Variants in ICA1L observed in about 807,000 individuals in gnomAD.
ICA1L encodes islet cell autoantigen 1 like, also known as islet cell autoantigen 1-like protein.
Under a neutral mutation model 61.3 loss-of-function variants are expected in ICA1L, and 50 were observed. The ratio of observed to expected loss-of-function variants is 0.82; its 90% CI spans 0.65 to 1.03. ICA1L has a LOEUF of 1.03. Among genes scored for constraint, ICA1L ranks in the 50% least tolerant of loss-of-function variants. The probability of loss-of-function intolerance (pLI) is 0.00; values close to 1 mark genes in which losing one functional copy is unlikely to be tolerated. For synonymous variants in ICA1L, 161 were observed against 191.3 expected (o/e 0.84, Z 1.31); for missense variants, 508 against 556.7 (o/e 0.91, Z 0.88).
intron 1 of ICA1L, among the ~76,000 whole-genome samples, chr2:202,848,652 A>G (rs776642744): frequency 1.3e-5 from 2 of 152,256 alleles, no homozygotes; most frequent in Non-Finnish European, 2.9e-5. Flanking sequence ...GTTCTAAAAT[A>G]TAGTCTGAAA....
intron 6 of ICA1L, 27 bp downstream of exon 6, chr2:202,817,391 G>A: frequency 6.5e-7 from 1 of 1,530,302 alleles, no homozygotes; most frequent in Non-Finnish European, 8.8e-7. Flanking sequence ...TTTACTGCAA[G>A]GATATGCTGA....
At chr2:202,818,701 C>T (rs1448676652) in intron 5 of ICA1L, among the ~76,000 whole-genome samples, 2 of 152,066 alleles carry the variant, frequency 1.3e-5, no homozygotes, top group Non-Finnish European at 1.5e-5. Context: ...GCTCTTTTTG[C>T]CTGCCACCAT....
At chr2:202,784,211 G>T (rs1029350411) in intron 12 of ICA1L, among the ~76,000 whole-genome samples, 1 of 152,132 alleles carries the variant, frequency 6.6e-6, no homozygotes, top group Non-Finnish European at 1.5e-5. Context: ...CAGCACTTTG[G>T]GAGGCCGAGG....
At chr2:202,781,904 TC>T (rs1391794022) in intron 12 of ICA1L, among the ~76,000 whole-genome samples, 2 of 152,208 alleles carry the variant, frequency 1.3e-5, no homozygotes, top group Non-Finnish European at 2.9e-5. Flanking sequence ...TTATTTAACA[TC>T]CTTGTCACAA....
intron 1 of ICA1L, among the ~76,000 whole-genome samples, chr2:202,829,504 G>A (rs1693953936): frequency 6.6e-6 from 1 of 152,138 alleles, no homozygotes; most frequent in South Asian, 2.1e-4. Flanking sequence ...ATGCTGGAGT[G>A]TAGTGGTGCA....
intron 1 of ICA1L, chr2:202,841,520 A>G: frequency 2.7e-6 from 2 of 732,068 alleles, no homozygotes; most frequent in Admixed American, 1.7e-5. Context: ...CACGGCCTGG[A>G]TGTTGGGTTC....
chr2:202,841,667 G>A (rs1694334903), intron 1 of ICA1L: 3 of 571,148 alleles, frequency 5.3e-6, no homozygotes, highest in Non-Finnish European at 1.0e-5. Flanking sequence ...GAAGCTCAAG[G>A]AGCTGATGCA....
At chr2:202,860,711 C>A (rs1440256002) in intron 1 of ICA1L, among the ~76,000 whole-genome samples, 2 of 151,476 alleles carry the variant, frequency 1.3e-5, no homozygotes, top group Admixed American at 1.3e-4. Context: ...AAGATCACGC[C>A]ATTGCACTGT....
At chr2:202,813,506 A>G (rs1314713676) in intron 8 of ICA1L, among the ~76,000 whole-genome samples, 1 of 152,184 alleles carries the variant, frequency 6.6e-6, no homozygotes, top group Non-Finnish European at 1.5e-5. Context: ...CAGGTTGGGA[A>G]GTTCAAGATC....
intron 1 of ICA1L, among the ~76,000 whole-genome samples, chr2:202,842,146 C>T (rs773975399): frequency 4.6e-5 from 7 of 152,170 alleles, no homozygotes; most frequent in African/African-American, 7.2e-5. Context: ...TGGGCCACCG[C>T]ACCAGGCCTA....
intron 1 of ICA1L, among the ~76,000 whole-genome samples, chr2:202,833,417 C>CA (rs1002171261): frequency 1.3e-5 from 2 of 151,886 alleles, no homozygotes; most frequent in African/African-American, 2.4e-5. Context: ...TCCATATCTA[C>CA]AAAAAAATAA....
intron 1 of ICA1L, chr2:202,840,777 C>T (rs564882184): frequency 9.6e-5 from 57 of 594,484 alleles, no homozygotes; most frequent in Middle Eastern, 8.7e-4. Flanking sequence ...TAGGCATCTG[C>T]GATGGCAGCC....
At chr2:202,856,684 T>A (rs1276788111) in intron 1 of ICA1L, among the ~76,000 whole-genome samples, 1 of 152,134 alleles carries the variant, frequency 6.6e-6, no homozygotes, top group Non-Finnish European at 1.5e-5. Flanking sequence ...AGAGAGGAAG[T>A]CAACTTATCT....
chr2:202,811,798 A>G lies in ICA1L; in HGVS notation c.867-9T>C, dbSNP rs371832097. 1.9e-6 allele frequency: 3 copies of G among 1,594,000 alleles called. No homozygotes were observed. The African/African-American group carries it at 4.0e-5, about 21-fold the overall frequency. The stretch of plus-strand genomic sequence containing the variant: ...CATCAGACAAAACTAGCCTGAAGTA[A>G]AAACAAAAAAAAATGTAGATTTTTT... On this transcript the variant is annotated splice_polypyrimidine_tract_variant and intron_variant, in intron 8 of 12. Coordinates refer to ENST00000358299, the MANE Select transcript of ICA1L (RefSeq NM_001288622.3).
intron 1 of ICA1L, chr2:202,841,100 C>G: frequency 1.6e-6 from 1 of 636,846 alleles, no homozygotes; most frequent in South Asian, 1.5e-5. Flanking sequence ...CCTCTTCATA[C>G]AGCTGCCCGA....
chr2:202,815,308 A>G (rs1693502193), intron 7 of ICA1L, among the ~76,000 whole-genome samples: 1 of 152,230 alleles, frequency 6.6e-6, no homozygotes, highest in Non-Finnish European at 1.5e-5. Flanking sequence ...TATGCAAGAT[A>G]TGAGCCTATC....
chr2:202,820,006 A>G (rs1311663412), intron 4 of ICA1L, 107 bp from the exon 5 acceptor site: 3 of 821,444 alleles, frequency 3.7e-6, no homozygotes, highest in African/African-American at 1.7e-5. Flanking sequence ...TGAATCTACA[A>G]GTAAAAAATT....
At chr2:202,797,096 T>A (rs1204007357) in intron 9 of ICA1L, 132 bp from the exon 10 acceptor site, 1 of 547,566 alleles carries the variant, frequency 1.8e-6, no homozygotes, top group Non-Finnish European at 3.2e-6. Context: ...AAGGGAAACA[T>A]AAAAATTTAA....
At chr2:202,795,819 G>A (rs1336993181) in intron 10 of ICA1L, among the ~76,000 whole-genome samples, 1 of 152,036 alleles carries the variant, frequency 6.6e-6, no homozygotes, top group Admixed American at 6.6e-5. Context: ...GAGGTGGGCA[G>A]ATCACTTGAG....
Sources: allele counts gnomAD v4.1 joint callset (sites outside exome capture counted in the v4.1 genomes callset), GRCh38; gene constraint gnomAD v4.1.1; transcripts MANE v1.5; gene names NCBI Gene and HGNC (gene_info 2026-07-23, HGNC 2026-07-21).